DYNC1I1: variants seen among roughly 807,000 people sequenced by gnomAD.
DYNC1I1 encodes cytoplasmic dynein 1 intermediate chain 1.
A neutral mutation model predicts 86.6 loss-of-function variants in DYNC1I1; 43 were observed. The observed-to-expected ratio is 0.50, with a 90% confidence interval of 0.39 to 0.64. The LOEUF (loss-of-function observed/expected upper bound fraction) is 0.64. Ranked by LOEUF, DYNC1I1 falls within the 30% of genes least tolerant of loss-of-function variation. DYNC1I1 has a pLI of 0.00. For missense variants in DYNC1I1, 604 were observed against 788.8 expected (o/e 0.77, Z 2.81); for synonymous variants, 262 against 283.7 (o/e 0.92, Z 0.77).
rs983610560 is a variant in DYNC1I1, at chr7:96,063,107, ATG to A, written c.1510-12926_1510-12925del. On this transcript the variant is annotated intron_variant, in intron 14 of 16. Transcript: ENST00000447467. ...TATGTGTGTGTGTGTGTGTATATATATGTGTGTGTGTGTGTGTGTGTGTGTAT... is the reference window on the plus strand; with the variant it reads ...TATGTGTGTGTGTGTGTGTATATATATGTGTGTGTGTGTGTGTGTGTGTAT... Among the ~76,000 whole-genome samples, 147 of 129,026 alleles carry A rather than the reference ATG, an allele frequency of 1.1e-3. 3 individuals are homozygous for A. Among genetic ancestry groups the A allele is most frequent in the East Asian group, 4.0e-3 (19 of 4,764 alleles). The allele number at this position is 129,026 out of a possible 152,430, so 84.6% of individuals were successfully genotyped here. A position where few individuals can be genotyped will look rare whatever the true frequency, so the allele number is the denominator to read the frequency against.
At chr7:95,918,577 G>C (rs1012680643) in intron 6 of DYNC1I1, among the ~76,000 whole-genome samples, 6 of 152,212 alleles carry the variant, frequency 3.9e-5, no homozygotes, top group African/African-American at 1.4e-4. Context: ...GTGTGCATGT[G>C]TGTGCCATTT....
intron 6 of DYNC1I1, among the ~76,000 whole-genome samples, chr7:95,909,741 G>A (rs961568614): frequency 3.9e-5 from 6 of 152,064 alleles, no homozygotes; most frequent in Non-Finnish European, 5.9e-5. Context: ...GTACATTTAA[G>A]CCACTTTGGT....
chr7:95,911,300 CGAG>C lies in DYNC1I1; in HGVS notation c.490+41306_490+41308del, dbSNP rs535800186. Among the ~76,000 whole-genome samples, 301 of 152,136 alleles carry C rather than the reference CGAG, an allele frequency of 2.0e-3. 2 individuals are homozygous for C. Among genetic ancestry groups the C allele is most frequent in the African/African-American group, 6.9e-3 (285 of 41,470 alleles). On this transcript the variant is annotated intron_variant, in intron 6 of 16. Coordinates refer to ENST00000447467, the MANE Select transcript of DYNC1I1 (RefSeq NM_001135556.2). ...GAAGCCAGGAGGTAAGTCATGATGGCGAGGAGAAGTCCAGTCCAGAGGAGGAAG... is the reference window on the plus strand; with the variant it reads ...GAAGCCAGGAGGTAAGTCATGATGGCGAGAAGTCCAGTCCAGAGGAGGAAG...
In DYNC1I1 at chr7:95,998,409, A is replaced by C. The variant is rs140740134; in HGVS notation, c.969+2336A>C. ...CATGGTTCTAGACGTGGCTATCTTT[A>C]CCACCTTCTAACCCTAAATGGAAAT... On this transcript the variant is annotated intron_variant, in intron 10 of 16. Coordinates refer to ENST00000447467, the MANE Select transcript of DYNC1I1 (RefSeq NM_001135556.2). Among the ~76,000 whole-genome samples the C allele has an allele frequency of 1.4e-4, 21 of 152,342 alleles. No individual in the cohort carries two copies. In the East Asian group the frequency reaches 4.0e-3, roughly 29 times the overall value.
chr7:95,988,020 A>G (rs929590950), intron 9 of DYNC1I1, among the ~76,000 whole-genome samples: 2 of 152,092 alleles, frequency 1.3e-5, no homozygotes, highest in African/African-American at 4.8e-5. Flanking sequence ...TTCTACCTTC[A>G]TGCTTGTCCA....
intron 4 of DYNC1I1, chr7:95,818,823 A>G (rs1449500089): frequency 6.7e-6 from 2 of 296,756 alleles, no homozygotes; most frequent in Non-Finnish European, 1.2e-5. Context: ...ATGATAAATG[A>G]CATCTTACTG....
intron 9 of DYNC1I1, 142 bp from the exon 10 acceptor site, chr7:95,995,804 GCA>G: frequency 6.9e-6 from 8 of 1,167,418 alleles, no homozygotes; most frequent in Non-Finnish European, 9.5e-6. Context: ...GGAGGTTGCA[GCA>G]GTAAGCTGAT....
chr7:95,968,187 G>GAAA (rs779367696), intron 6 of DYNC1I1, among the ~76,000 whole-genome samples: 2 of 137,642 alleles, frequency 1.5e-5, no homozygotes, highest in East Asian at 4.2e-4. Flanking sequence ...GGCCTTAACC[G>GAAA]AAAAAAAAAA....
chr7:95,837,527 C>G (rs2115990792), intron 5 of DYNC1I1: 1 of 153,094 alleles, frequency 6.5e-6, no homozygotes, highest in South Asian at 2.0e-4. Flanking sequence ...CTTTGTTTAC[C>G]TAAGCAAGCC....
chr7:96,054,351 G>A (rs762862169), intron 14 of DYNC1I1, among the ~76,000 whole-genome samples: 5 of 152,238 alleles, frequency 3.3e-5, no homozygotes, highest in Admixed American at 6.5e-5. Flanking sequence ...ATTCCATGGT[G>A]TATATGTGCC....
At chr7:95,870,450 T>C (rs1418738565) in intron 6 of DYNC1I1, among the ~76,000 whole-genome samples, 1 of 152,242 alleles carries the variant, frequency 6.6e-6, no homozygotes, top group Non-Finnish European at 1.5e-5. Context: ...TTGACTTCTG[T>C]GGTTACTTTC....
At chr7:95,925,575 G>T (rs1272851632) in intron 6 of DYNC1I1, among the ~76,000 whole-genome samples, 1 of 152,172 alleles carries the variant, frequency 6.6e-6, no homozygotes, top group East Asian at 1.9e-4. Context: ...GCGGGCATGA[G>T]TCTGTCTAAC....
chr7:96,059,325 T>G (rs896680421), intron 14 of DYNC1I1, among the ~76,000 whole-genome samples: 2 of 148,870 alleles, frequency 1.3e-5, no homozygotes, highest in Non-Finnish European at 3.0e-5. Flanking sequence ...AAAAAAAAAA[T>G]GCAAAAACCA....
intron 6 of DYNC1I1, among the ~76,000 whole-genome samples, chr7:95,956,184 C>T (rs372967216): frequency 6.6e-6 from 1 of 152,186 alleles, no homozygotes; most frequent in East Asian, 1.9e-4. Context: ...TCAATGCACT[C>T]AGCCCACAGA....
intron 6 of DYNC1I1, among the ~76,000 whole-genome samples, chr7:95,900,193 A>G (rs1251110682): frequency 6.6e-6 from 1 of 152,156 alleles, no homozygotes; most frequent in East Asian, 1.9e-4. Context: ...TGTGCTCAGC[A>G]TGCCACTGGA....
At chr7:95,928,181 C>G (rs1584168010) in intron 6 of DYNC1I1, among the ~76,000 whole-genome samples, 1 of 152,324 alleles carries the variant, frequency 6.6e-6, no homozygotes, top group South Asian at 2.1e-4. Context: ...GCACCCATTT[C>G]TGTAGATATT....
At chr7:96,101,542 C>T (rs1422036013), downstream of DYNC1I1, among the ~76,000 whole-genome samples, 1 of 152,134 alleles carries the variant, frequency 6.6e-6, no homozygotes, top group Non-Finnish European at 1.5e-5. Context: ...AACAAACCAA[C>T]ATTTGAAGAC....
intron 10 of DYNC1I1, among the ~76,000 whole-genome samples, chr7:96,010,225 C>T (rs947751618): frequency 5.9e-5 from 9 of 152,104 alleles, no homozygotes; most frequent in African/African-American, 2.2e-4. Context: ...ATAACTAGTG[C>T]GTGGTTGACC....
intron 4 of DYNC1I1, among the ~76,000 whole-genome samples, chr7:95,814,529 T>C (rs948874913): frequency 6.6e-6 from 1 of 152,168 alleles, no homozygotes; most frequent in Non-Finnish European, 1.5e-5. Context: ...TTTGCATTTT[T>C]CTCTTTTCAC....
Sources: allele counts gnomAD v4.1 joint callset (sites outside exome capture counted in the v4.1 genomes callset), GRCh38; gene constraint gnomAD v4.1.1; transcripts MANE v1.5; gene names NCBI Gene and HGNC (gene_info 2026-07-23, HGNC 2026-07-21).